VPS13C: variants seen among roughly 807,000 people sequenced by gnomAD.
The protein encoded by VPS13C is vacuolar protein sorting 13 homolog C, also known as intermembrane lipid transfer protein VPS13C.
A neutral mutation model predicts 456.8 loss-of-function variants in VPS13C; 358 were observed. The ratio of observed to expected loss-of-function variants is 0.78; its 90% CI spans 0.72 to 0.86. VPS13C has a LOEUF of 0.86. Ranked by LOEUF, VPS13C falls within the 40% of genes least tolerant of loss-of-function variation. VPS13C has a pLI of 0.00. For missense variants in VPS13C, 4,818 were observed against 4,385.4 expected (o/e 1.10, Z -2.79); for synonymous variants, 1,578 against 1,486.7 (o/e 1.06, Z -1.41).
At chr15:61,931,377 A>G (rs2044049966) in intron 49 of VPS13C, 118 bp from the exon 50 acceptor site, 1 of 1,025,890 alleles carries the variant, frequency 9.7e-7, no homozygotes, top group Non-Finnish European at 1.4e-6. Flanking sequence ...TTTTAAAAGT[A>G]TGAGTGCTAA....
intron 15 of VPS13C, among the ~76,000 whole-genome samples, chr15:62,005,946 C>T (rs1020575713): frequency 4.6e-5 from 7 of 151,734 alleles, no homozygotes; most frequent in East Asian, 3.9e-4. Flanking sequence ...TCAGGTGATC[C>T]GCCCGCCTCA....
At chr15:62,044,316 C>A in intron 1 of VPS13C, 61 bp from the exon 2 acceptor site, 1 of 1,038,682 alleles carries the variant, frequency 9.6e-7, no homozygotes, top group Non-Finnish European at 1.4e-6. Flanking sequence ...AAACCTATCA[C>A]AATGTAGTAC....
chr15:61,939,343 T>A (rs2044336618), intron 47 of VPS13C, among the ~76,000 whole-genome samples: 1 of 152,164 alleles, frequency 6.6e-6, no homozygotes, highest in Admixed American at 6.5e-5. Context: ...CAAACAAAAT[T>A]TAATAATTGT....
intron 19 of VPS13C, among the ~76,000 whole-genome samples, chr15:61,984,268 AG>A (rs34660131): frequency 0.2 from 30,756 of 152,126 alleles, 3,591 homozygotes; most frequent in Non-Finnish European, 0.27. Flanking sequence ...ATACTGTAAA[AG>A]TTCTGATCAC....
intron 9 of VPS13C, among the ~76,000 whole-genome samples, 176 bp from the exon 10 acceptor site, chr15:62,014,168 A>C (rs1436565691): frequency 6.7e-6 from 1 of 150,344 alleles, no homozygotes; most frequent in Non-Finnish European, 1.5e-5. Flanking sequence ...AGAAACAATG[A>C]AAAGAGAATT....
At chr15:62,041,742 C>T (rs1004870804) in intron 2 of VPS13C, among the ~76,000 whole-genome samples, 2 of 152,020 alleles carry the variant, frequency 1.3e-5, no homozygotes, top group African/African-American at 2.4e-5. Context: ...ATCGCCTGAA[C>T]CCAGGAGGCA....
intron 66 of VPS13C, among the ~76,000 whole-genome samples, chr15:61,900,674 G>T (rs1386819371): frequency 1.3e-5 from 2 of 150,872 alleles, no homozygotes; most frequent in Admixed American, 1.3e-4. Flanking sequence ...CGTGAAAATG[G>T]CCATACTGCC....
Position 61,865,875 on chromosome 15 carries a change from T to C in VPS13C, c.10864-2347A>G, listed in dbSNP as rs145026610. 7.8e-5 allele frequency: 74 copies of C among 954,240 alleles called. No homozygotes were observed. In the African/African-American group the frequency reaches 1.2e-3, roughly 15 times the overall value. The allele number at this position is 954,240 out of a possible 1,614,324, so 59.1% of individuals were successfully genotyped here. A position where few individuals can be genotyped will look rare whatever the true frequency, so the allele number is the denominator to read the frequency against. ...GAAATATAATATATGATTCAGTAAC[T>C]CTCAAAGCTGCATATTAAAGAATAC... On this transcript the variant is annotated intron_variant, in intron 81 of 84. Transcript: ENST00000644861.
chr15:61,920,957 G>A (rs2043634761), intron 55 of VPS13C, among the ~76,000 whole-genome samples: 1 of 152,138 alleles, frequency 6.6e-6, no homozygotes, highest in Non-Finnish European at 1.5e-5. Context: ...TGGTGATTAT[G>A]TGTTGACGAG....
At chr15:61,915,004 G>C (rs1167920200) in intron 61 of VPS13C, among the ~76,000 whole-genome samples, 1 of 148,990 alleles carries the variant, frequency 6.7e-6, no homozygotes, top group Non-Finnish European at 1.5e-5. Context: ...TAAATGGTTA[G>C]AAAATCTTCA....
At chr15:61,883,199 T>C (rs960745656) in intron 68 of VPS13C, among the ~76,000 whole-genome samples, 2 of 145,734 alleles carry the variant, frequency 1.4e-5, no homozygotes, top group African/African-American at 4.9e-5. Context: ...TTTAATTTTA[T>C]TATCTTTTTT....
intron 1 of VPS13C, among the ~76,000 whole-genome samples, chr15:62,056,183 G>T (rs2048790972): frequency 6.6e-6 from 1 of 152,218 alleles, no homozygotes; most frequent in Non-Finnish European, 1.5e-5. Context: ...GCCAAGGCAA[G>T]AGACCAAGGA....
In VPS13C at chr15:61,913,430, A is replaced by C; in HGVS notation, c.8446-15T>G. ...TTTAATTGTACCTATACCAGAGAGC[A>C]CATATCGTCATATAAGAAATCTAAA... On this transcript the variant is annotated splice_polypyrimidine_tract_variant and intron_variant, in intron 61 of 84. Coordinates refer to ENST00000644861, the MANE Select transcript of VPS13C (RefSeq NM_020821.3). 6.3e-7 allele frequency: 1 copy of C among 1,591,776 alleles called. No individual in the cohort carries two copies. The highest frequency in any genetic ancestry group is 1.1e-5 in the South Asian group (1 of 89,814).
At chr15:62,057,477 C>T (rs745606474) in intron 1 of VPS13C, among the ~76,000 whole-genome samples, 8 of 152,134 alleles carry the variant, frequency 5.3e-5, no homozygotes, top group Non-Finnish European at 1.2e-4. Flanking sequence ...TTATCAACAA[C>T]AGACTGTGCA....
chr15:61,878,269 T>C (rs1895601273), intron 74 of VPS13C, among the ~76,000 whole-genome samples: 1 of 151,898 alleles, frequency 6.6e-6, no homozygotes, highest in Admixed American at 6.6e-5. Context: ...ATTTATTTAA[T>C]GCATATGTAT....
chr15:62,000,479 C>T (rs1346545416), intron 16 of VPS13C, 85 bp downstream of exon 16: 10 of 1,324,154 alleles, frequency 7.6e-6, no homozygotes, highest in Non-Finnish European at 1.0e-5. Context: ...AACCTCACCT[C>T]GTGAAACTTC....
rs560976194 is a variant in VPS13C at position 62,007,261 on chromosome 15, GGAT to G, written c.1290+44_1290+46del. The G allele has an allele frequency of 3.0e-5, 39 of 1,292,548 alleles. No homozygotes were observed. In the South Asian group the frequency reaches 8.3e-4, roughly 28 times the overall value. 80.1% of individuals were successfully genotyped at this position (1,292,548 alleles called of 1,614,324 possible). On this transcript the variant is annotated intron_variant, in intron 15 of 84. Coordinates refer to ENST00000644861, the MANE Select transcript of VPS13C (RefSeq NM_020821.3). ...AAATTACATGCAGAAGAATATTAAA[GGAT>G]GATTAGACAAATAATAGCTCTCACT...
Position 61,858,684 on chromosome 15 carries a change from T to C in VPS13C, c.10953-2275A>G, listed in dbSNP as rs1365917227. Among the ~76,000 whole-genome samples, 1 of 152,172 alleles carries C rather than the reference T, an allele frequency of 6.6e-6. No individual in the cohort carries two copies. Among genetic ancestry groups the C allele is most frequent in the African/African-American group, 2.4e-5 (1 of 41,454 alleles). ...GGGCCTGACCTAAGTTCATGGACTA[T>C]AAATCTGCGTAAGAGACCAAGAAGT... On this transcript the variant is annotated intron_variant, in intron 82 of 84. Transcript: ENST00000644861. The surrounding 1 kb of genome is among the most constrained non-coding windows in gnomAD (Gnocchi z 4.4).
chr15:62,007,362 G>A lies in VPS13C; in HGVS notation c.1236C>T (p.Tyr412=), dbSNP rs373964445. 1.2e-6 allele frequency: 2 copies of A among 1,612,486 alleles called. No individual in the cohort carries two copies. Among genetic ancestry groups the A allele is most frequent in the East Asian group, 4.5e-5 (2 of 44,706 alleles). The part of the protein sequence containing the change: ...RQLLKSYKIA[Y]KNKLTQSKVS... ...CTTTAGACTGTGTTAACTTGTTTTTGTAGGCAATTTTATAACTCTTGAGTA... is the reference window on the plus strand; with the variant it reads ...CTTTAGACTGTGTTAACTTGTTTTTATAGGCAATTTTATAACTCTTGAGTA... Residue 412 remains tyrosine, a synonymous_variant, in exon 15 of 85, where the codon TAC becomes TAT. Coordinates refer to ENST00000644861, the MANE Select transcript of VPS13C (RefSeq NM_020821.3).
Sources: allele counts gnomAD v4.1 joint callset (sites outside exome capture counted in the v4.1 genomes callset), GRCh38; gene constraint gnomAD v4.1.1; non-coding constraint Gnocchi (gnomAD v3.1); transcripts MANE v1.5; gene names NCBI Gene and HGNC (gene_info 2026-07-23, HGNC 2026-07-21).